NOXA1: variants seen among roughly 807,000 people sequenced by gnomAD.
NOXA1 encodes NADPH oxidase activator 1.
NOXA1 carries 56 observed loss-of-function variants against 64.8 expected under a neutral mutation model. The ratio of observed to expected loss-of-function variants is 0.86; its 90% CI spans 0.70 to 1.08. The LOEUF (loss-of-function observed/expected upper bound fraction) is 1.08, where lower values mean the gene tolerates loss of function less well. NOXA1 is among the 50% of genes least tolerant of loss of function. NOXA1 has a pLI of 0.00. For missense variants in NOXA1, 668 were observed against 658.5 expected (o/e 1.01, Z -0.16); for synonymous variants, 295 against 294.8 (o/e 1.00, Z -0.01).
rs371411545 is a variant in NOXA1 at position 137,428,500 on chromosome 9, C to T, written c.369+359C>T. On this transcript the variant is annotated intron_variant, in intron 3 of 13. Coordinates refer to ENST00000683555, the MANE Select transcript of NOXA1 (RefSeq NM_001256067.2). ...AAGGAGGGGTGCTGAGAGGCCCCCC[C>T]ACCAGACCCCGGAAATGCATCGCCC... Among the ~76,000 whole-genome samples the T allele has an allele frequency of 1.6e-3, 240 of 151,962 alleles. 1 individual carries two copies. Among genetic ancestry groups the T allele is most frequent in the African/African-American group, 5.1e-3 (212 of 41,416 alleles).
At position 137,431,372 on chromosome 9, in the gene NOXA1, G is replaced by T; in HGVS notation, c.804+31G>T. 6.4e-7 allele frequency: 1 copy of T among 1,569,578 alleles called. No homozygotes were observed. The highest frequency in any genetic ancestry group is 1.7e-5 in the Admixed American group (1 of 59,860). On this transcript the variant is annotated intron_variant, in intron 8 of 13. Transcript: ENST00000683555. The surrounding 1 kb of genome is among the most constrained non-coding windows in gnomAD (Gnocchi z 5.6). Reference sequence around the variant, plus strand: ...TGGGCCTGGGCCTCTTCCCCTGCTGGGGGTCGGTGCTTCTGCTGCCTCCGC... The same window carrying T: ...TGGGCCTGGGCCTCTTCCCCTGCTGTGGGTCGGTGCTTCTGCTGCCTCCGC...
In NOXA1 at chr9:137,426,314, A is replaced by T. The variant is rs1276966197; in HGVS notation, c.244A>T (p.Asn82Tyr). 4 of 1,613,756 alleles carry T rather than the reference A, an allele frequency of 2.5e-6. No homozygotes were observed. Among genetic ancestry groups the T allele is most frequent in the East Asian group, 4.5e-5 (2 of 44,888 alleles). Residue 82 changes from asparagine to tyrosine, a missense_variant, in exon 2 of 14, where the codon AAC (asparagine) becomes TAC (tyrosine). By Grantham distance (143) the Asn-to-Tyr change is moderately radical. Coordinates refer to ENST00000683555, the MANE Select transcript of NOXA1 (RefSeq NM_001256067.2). ...TGGCTTCTTCCAGCGAGGAGTGGCC[A>T]ACTTCCAGCTGGCAAGGTGAGTACA... is the stretch of plus-strand genomic sequence containing the variant. ...AVGFFQRGVANFQLARFQEAL... is the reference protein window; with the variant it reads ...AVGFFQRGVAYFQLARFQEAL...
chr9:137,433,006 C>T, intron 8 of NOXA1, 23 bp from the exon 9 acceptor site: 1 of 1,612,092 alleles, frequency 6.2e-7, no homozygotes, highest in Non-Finnish European at 8.5e-7. Context: ...CCCCAGCCCA[C>T]CCAGCCTGTG....
chr9:137,433,941 C>G, intron 12 of NOXA1, 24 bp from the exon 13 acceptor site: 4 of 1,534,138 alleles, frequency 2.6e-6, no homozygotes, highest in Admixed American at 4.0e-5. Flanking sequence ...CCGGCCCGAC[C>G]TGCAGCCCAC....
chr9:137,427,886 T>C (rs1838906119), intron 2 of NOXA1, 147 bp from the exon 3 acceptor site: 5 of 599,608 alleles, frequency 8.3e-6, no homozygotes, highest in South Asian at 2.0e-5. Context: ...CAGACCTGAG[T>C]GTGCAGACCT....
At chr9:137,433,887 G>A (rs896234165) in intron 12 of NOXA1, 23 bp downstream of exon 12, 2 of 1,475,942 alleles carry the variant, frequency 1.4e-6, no homozygotes, top group Non-Finnish European at 9.0e-7. Context: ...CGAGGCAGGG[G>A]CAGGGGCACC....
chr9:137,431,966 CAGTT>C lies in NOXA1; in HGVS notation c.804+626_804+629del. ...CTCTCTCTTTATGGATGCCCACTTC[CAGTT>C]TAACCGTGGCATCCCGGGGGCAAGG... On this transcript the variant is annotated intron_variant, in intron 8 of 13. Transcript: ENST00000683555. This position sits in a 1 kb window ranked among gnomAD's most constrained non-coding sequence, Gnocchi z 5.6. 6.6e-6 allele frequency among the ~76,000 whole-genome samples: 1 copy of C among 152,298 alleles called. No individual in the cohort carries two copies. Among genetic ancestry groups the C allele is most frequent in the South Asian group, 2.1e-4 (1 of 4,826 alleles).
chr9:137,424,994 G>A (rs892644183), intron 1 of NOXA1, among the ~76,000 whole-genome samples: 1 of 152,236 alleles, frequency 6.6e-6, no homozygotes, highest in Non-Finnish European at 1.5e-5. Context: ...GCAGCCCAGG[G>A]TGCAGAGGGT....
Position 137,423,703 on chromosome 9 carries a change from G to A in NOXA1, c.174G>A (p.Leu58=). Residue 58 remains leucine, a synonymous_variant, in exon 1 of 14, where the codon CTG becomes CTA. Transcript: ENST00000683555. ...HLLAGDPEAA[L]RAFDQAVTKD... ...TGGCCGGGGACCCCGAGGCCGCGCT[G>A]CGGGTGAGCGGGGCGTGGGGAGGCC... 7.7e-7 allele frequency: 1 copy of A among 1,305,678 alleles called. No individual in the cohort carries two copies. Among genetic ancestry groups the A allele is most frequent in the Admixed American group, 3.9e-5 (1 of 25,478 alleles). 80.9% of individuals were successfully genotyped at this position (1,305,678 alleles called of 1,614,324 possible). A position where few individuals can be genotyped will look rare whatever the true frequency, so the allele number is the denominator to read the frequency against.
intron 13 of NOXA1, 61 bp downstream of exon 13, chr9:137,434,140 A>G: frequency 8.2e-6 from 13 of 1,581,834 alleles, no homozygotes; most frequent in Non-Finnish European, 1.0e-5. Context: ...GGGGGCTTAG[A>G]GCTCGGCCTG....
rs1161921078 is a variant in NOXA1 at position 137,428,776 on chromosome 9, GGGGAGGGGCTGGGTGGGCAGACCGA to G, written c.370-99_370-75del. ...GGGGAGGGGCCAGGTGGGGGGACTG[GGGGAGGGGCTGGGTGGGCAGACCGA>G]GGGAGGAGCTGGGTGGGGGAACCGG... On this transcript the variant is annotated intron_variant, in intron 3 of 13. Transcript: ENST00000683555. 6 of 1,206,084 alleles carry G rather than the reference GGGGAGGGGCTGGGTGGGCAGACCGA, an allele frequency of 5.0e-6. No individual in the cohort carries two copies. In the East Asian group the frequency reaches 1.4e-4, roughly 29 times the overall value. 74.7% of individuals were successfully genotyped at this position (1,206,084 alleles called of 1,614,324 possible). A position where few individuals can be genotyped will look rare whatever the true frequency, so the allele number is the denominator to read the frequency against.
At chr9:137,424,828 T>A (rs1446762542) in intron 1 of NOXA1, among the ~76,000 whole-genome samples, 3 of 152,246 alleles carry the variant, frequency 2.0e-5, no homozygotes, top group Non-Finnish European at 4.4e-5. Flanking sequence ...TGTCCGGGGC[T>A]AACCCAGTCA....
rs747536479 is a variant in NOXA1, at chr9:137,429,284, C to T, written c.513C>T (p.Gly171=). Residue 171 remains glycine, a synonymous_variant, in exon 5 of 14, where the codon GGC becomes GGT. Transcript: ENST00000683555. ...DSALDQVQRR[G]SLPPRQVPRG... ...ATACCCACCCCCTCCAGAGACGGGG[C>T]TCACTGCCGCCACGGCAGGTCCCCA... 7 of 1,558,080 alleles carry T rather than the reference C, an allele frequency of 4.5e-6. No homozygotes were observed. The Admixed American group carries it at 1.4e-4, about 30-fold the overall frequency.
intron 3 of NOXA1, among the ~76,000 whole-genome samples, chr9:137,428,438 C>T (rs1031669236): frequency 4.0e-5 from 6 of 151,778 alleles, no homozygotes; most frequent in Non-Finnish European, 7.4e-5. Flanking sequence ...ACTGTGCCCC[C>T]AGCCCTTTCC....
At chr9:137,427,302 C>T (rs772290664) in intron 2 of NOXA1, among the ~76,000 whole-genome samples, 11 of 152,204 alleles carry the variant, frequency 7.2e-5, no homozygotes, top group African/African-American at 1.4e-4. Context: ...GACGTAGGTG[C>T]GTAGACTCTG....
At position 137,433,594 on chromosome 9, in the gene NOXA1, C is replaced by T; in HGVS notation, c.1051C>T (p.Leu351Phe). ...LGQALPHQAQ[L>F]GQLSYLAPGE... ...CCAAGCCCTCCCTCACCAGGCCCAG[C>T]TTGGGCAACTCAGGTGGGCCAGAAA... is the stretch of plus-strand genomic sequence containing the variant. The change falls in exon 11 of 14, where the codon CTT becomes TTT. Residue 351 changes from leucine to phenylalanine, a missense_variant. Leu to Phe is a conservative substitution (Grantham distance 22). Coordinates refer to ENST00000683555, the MANE Select transcript of NOXA1 (RefSeq NM_001256067.2). 2 of 1,551,394 alleles carry T rather than the reference C, an allele frequency of 1.3e-6. No individual in the cohort carries two copies. The highest frequency in any genetic ancestry group is 1.2e-5 in the South Asian group (1 of 84,596).
In NOXA1 at chr9:137,433,032, C is replaced by T. The variant is rs567310387; in HGVS notation, c.808C>T (p.Pro270Ser). The change falls in exon 9 of 14, where the codon CCC (proline) becomes TCC (serine). Residue 270 changes from proline to serine, a missense_variant. Pro to Ser is a moderately conservative substitution (Grantham distance 74). Coordinates refer to ENST00000683555, the MANE Select transcript of NOXA1 (RefSeq NM_001256067.2). ...CCAGCCTGTGCTTCTCTTGCAGAGG[C>T]CCCAGGTGGAGCAAGTTGGCAAACA... The part of the protein sequence containing the change: ...CTSTAYQEQR[P>S]QVEQVGKQAP... 9 of 1,612,516 alleles carry T rather than the reference C, an allele frequency of 5.6e-6. No homozygotes were observed. In the South Asian group the frequency reaches 6.6e-5, roughly 12 times the overall value.
At position 137,434,079 on chromosome 9, in the gene NOXA1, G is replaced by A. The variant is rs1462466738; in HGVS notation, c.1294G>A (p.Val432Met). 3 of 1,583,778 alleles carry A rather than the reference G, an allele frequency of 1.9e-6. No homozygotes were observed. The South Asian group carries it at 3.4e-5, about 18-fold the overall frequency. The change falls in exon 13 of 14, where the codon GTG (valine) becomes ATG (methionine). Residue 432 changes from valine to methionine, a missense_variant and splice_region_variant. Coordinates refer to ENST00000683555, the MANE Select transcript of NOXA1 (RefSeq NM_001256067.2). ...GGACACGGTGGACGTCCTGTGTGAAGGTAGGGTGGGCATGGCCCTTCCCAG... is the reference window on the plus strand; with the variant it reads ...GGACACGGTGGACGTCCTGTGTGAAAGTAGGGTGGGCATGGCCCTTCCCAG... Reference protein sequence around the residue: ...QGDTVDVLCEVDQAWLEGHCD... With the variant: ...QGDTVDVLCEMDQAWLEGHCD...
At chr9:137,430,252 A>T (rs1839049274) in intron 5 of NOXA1, among the ~76,000 whole-genome samples, 6 of 152,150 alleles carry the variant, frequency 3.9e-5, no homozygotes, top group Admixed American at 3.9e-4. Flanking sequence ...GAGCCAGGCA[A>T]CACCCCTAAA....
Sources: gnomAD v4.1 joint callset for allele counts (sites outside exome capture counted in the v4.1 genomes callset) on GRCh38, gnomAD v4.1.1 for gene constraint, Gnocchi (gnomAD v3.1) non-coding constraint, MANE v1.5 for transcripts, NCBI Gene and HGNC (gene_info 2026-07-23, HGNC 2026-07-21) for gene names.